The following STAP1 variants were observed in gnomAD, a reference collection of about 807,000 sequenced individuals.
STAP1 encodes signal transducing adaptor family member 1.
A neutral mutation model predicts 37.8 loss-of-function variants in STAP1; 30 were observed. The ratio of observed to expected loss-of-function variants is 0.79; its 90% CI spans 0.59 to 1.08. STAP1 has a LOEUF of 1.08. STAP1 is among the 50% of genes least tolerant of loss of function. The pLI, the probability that STAP1 is intolerant of heterozygous loss-of-function variation, is 0.00. For missense variants in STAP1, 357 were observed against 349.4 expected (o/e 1.02, Z -0.17); for synonymous variants, 130 against 116.0 (o/e 1.12, Z -0.78).
At position 67,581,439 on chromosome 4, in the gene STAP1, A is replaced by G. The variant is rs763125873; in HGVS notation, c.498A>G (p.Glu166=). The G allele has an allele frequency of 6.2e-7, 1 of 1,613,800 alleles. No individual in the cohort carries two copies. The highest frequency in any genetic ancestry group is 1.7e-5 in the Admixed American group (1 of 59,986). The change falls in exon 5 of 9, where the codon GAA becomes GAG. Residue 166 remains glutamate (E), a synonymous_variant. Transcript: ENST00000265404. ...TGGAAAAAGAGAAGGAACCAACTGA[A>G]GATTATGTGGATGTACTGAACCCTA... ...TSVEKEKEPT[E]DYVDVLNPMP...
chr4:67,593,053 GA>G (rs1728153694), intron 7 of STAP1, among the ~76,000 whole-genome samples: 2 of 152,184 alleles, frequency 1.3e-5, no homozygotes, highest in African/African-American at 4.8e-5. Context: ...TATTCAATGG[GA>G]AAGGTGGTAA....
chr4:67,563,196 T>G (rs1727390316), intron 1 of STAP1, among the ~76,000 whole-genome samples: 1 of 152,248 alleles, frequency 6.6e-6, no homozygotes, highest in Admixed American at 6.5e-5. Flanking sequence ...GGGCGATTCC[T>G]TCACATTTTT....
chr4:67,589,516 G>A lies in STAP1; in HGVS notation c.660-1368G>A, dbSNP rs568694812. ...AGGAGAAGCGATTTAAAAAAAGAAGGTAGAAAGACCCTGTGCCTAGCTTAA... is the reference window on the plus strand; with the variant it reads ...AGGAGAAGCGATTTAAAAAAAGAAGATAGAAAGACCCTGTGCCTAGCTTAA... On this transcript the variant is annotated intron_variant, in intron 6 of 8. Coordinates refer to ENST00000265404, the MANE Select transcript of STAP1 (RefSeq NM_012108.4). 3.9e-5 allele frequency among the ~76,000 whole-genome samples: 6 copies of A among 152,258 alleles called. No homozygotes were observed. In the South Asian group the frequency reaches 6.2e-4, roughly 16 times the overall value.
At chr4:67,559,268 A>G (rs888363497) in intron 1 of STAP1, among the ~76,000 whole-genome samples, 4 of 152,140 alleles carry the variant, frequency 2.6e-5, no homozygotes, top group Non-Finnish European at 4.4e-5. Context: ...TTTCTCCACA[A>G]TTTATTGCTA....
intron 7 of STAP1, among the ~76,000 whole-genome samples, chr4:67,592,192 G>A (rs1577765057): frequency 6.6e-6 from 1 of 152,116 alleles, no homozygotes; most frequent in East Asian, 1.9e-4. Context: ...CTGTTCACAG[G>A]CACAATCATA....
At chr4:67,568,010 T>C in intron 1 of STAP1, among the ~76,000 whole-genome samples, 1 of 152,132 alleles carries the variant, frequency 6.6e-6, no homozygotes, top group East Asian at 1.9e-4. Context: ...TTATTAGGCA[T>C]GAAGACAAAG....
chr4:67,577,347 G>T, intron 4 of STAP1, 88 bp downstream of exon 4: 1 of 1,175,104 alleles, frequency 8.5e-7, no homozygotes, highest in South Asian at 1.7e-5. Flanking sequence ...AGTGAAAGTG[G>T]CTGAAGATAT....
At chr4:67,572,088 C>A (rs943366072) in intron 2 of STAP1, among the ~76,000 whole-genome samples, 2 of 152,104 alleles carry the variant, frequency 1.3e-5, no homozygotes, top group African/African-American at 4.8e-5. Context: ...TAATCGAGAG[C>A]CTGGTCTCTT....
intron 7 of STAP1, among the ~76,000 whole-genome samples, chr4:67,591,156 T>G (rs1728111920): frequency 6.6e-6 from 1 of 152,158 alleles, no homozygotes; most frequent in Admixed American, 6.5e-5. Flanking sequence ...TTTCTGCAAA[T>G]TTCTCAAGGT....
In STAP1 at chr4:67,558,890, C is replaced by T. The variant is rs369627958; in HGVS notation, c.81C>T (p.Tyr27=). 5.0e-6 allele frequency: 8 copies of T among 1,613,240 alleles called. No individual in the cohort carries two copies. Among genetic ancestry groups the T allele is most frequent in the African/African-American group, 1.3e-5 (1 of 74,866 alleles). The change falls in exon 1 of 9, where the codon TAC becomes TAT. Residue 27 remains tyrosine (Y), a synonymous_variant. Transcript: ENST00000265404. The part of the protein sequence containing the change: ...ERLKITALPL[Y]FEGFLLIKRS... ...TAAAGATTACTGCTCTACCTTTGTACTTTGAAGGTTTTTTATTAATCAAGC... is the reference window on the plus strand; with the variant it reads ...TAAAGATTACTGCTCTACCTTTGTATTTTGAAGGTTTTTTATTAATCAAGC...
At chr4:67,600,541 T>C (rs545109458) in intron 8 of STAP1, among the ~76,000 whole-genome samples, 27 of 152,300 alleles carry the variant, frequency 1.8e-4, no homozygotes, top group African/African-American at 5.5e-4. Context: ...GTGCAGATTA[T>C]GTCCGATGTT....
chr4:67,586,452 A>G (rs1231615952), intron 6 of STAP1, among the ~76,000 whole-genome samples: 1 of 152,220 alleles, frequency 6.6e-6, no homozygotes, highest in Non-Finnish European at 1.5e-5. Flanking sequence ...GCAAGACTCC[A>G]TCTCAAAAAC....
chr4:67,583,434 C>T, intron 5 of STAP1, 140 bp from the exon 6 acceptor site: 1 of 839,696 alleles, frequency 1.2e-6, no homozygotes, highest in Non-Finnish European at 1.8e-6. Flanking sequence ...ATTGTAATTA[C>T]ATAATTGGAA....
intron 1 of STAP1, among the ~76,000 whole-genome samples, chr4:67,563,635 C>T (rs1266160067): frequency 6.6e-6 from 1 of 152,064 alleles, no homozygotes; most frequent in Non-Finnish European, 1.5e-5. Context: ...CCCAGGAGTT[C>T]GAGGCTGCAG....
rs1027906743 is a variant in STAP1 at position 67,571,143 on chromosome 4, A to G, written c.180A>G (p.Lys60=). ...RGTTLFFYTD[K]KSIIYVDKLD... ...CTACTCTTTTCTTTTATACCGACAA[A>G]AAGAGTATAATAGTAAGTAAATATG... Residue 60 remains lysine, a synonymous_variant, in exon 2 of 9, where the codon AAA becomes AAG. Coordinates refer to ENST00000265404, the MANE Select transcript of STAP1 (RefSeq NM_012108.4). 2.5e-6 allele frequency: 4 copies of G among 1,604,440 alleles called. No homozygotes were observed. The African/African-American group carries it at 4.0e-5, about 16-fold the overall frequency.
chr4:67,588,473 G>A (rs1290736986), intron 6 of STAP1, among the ~76,000 whole-genome samples: 6 of 151,862 alleles, frequency 4.0e-5, no homozygotes, highest in South Asian at 2.1e-4. Flanking sequence ...ACAGTGGTGC[G>A]AGCTCGGCTC....
chr4:67,585,984 T>C (rs1727971534), intron 6 of STAP1, among the ~76,000 whole-genome samples: 1 of 152,228 alleles, frequency 6.6e-6, no homozygotes, highest in Non-Finnish European at 1.5e-5. Flanking sequence ...AGCAGATTTT[T>C]AATAGAAACA....
At chr4:67,576,436 A>G (rs899019129) in intron 3 of STAP1, among the ~76,000 whole-genome samples, 1 of 152,224 alleles carries the variant, frequency 6.6e-6, no homozygotes, top group Non-Finnish European at 1.5e-5. Flanking sequence ...CTTAGTAAAT[A>G]TCTGTTAAAT....
intron 6 of STAP1, among the ~76,000 whole-genome samples, chr4:67,587,994 G>T (rs1728025103): frequency 7.4e-6 from 1 of 136,044 alleles, no homozygotes. Flanking sequence ...AAAGTGCTGG[G>T]ATTACAGGTG....
Sources: gnomAD v4.1 joint callset for allele counts (sites outside exome capture counted in the v4.1 genomes callset) on GRCh38, gnomAD v4.1.1 for gene constraint, MANE v1.5 for transcripts, NCBI Gene and HGNC (gene_info 2026-07-23, HGNC 2026-07-21) for gene names.